PARD3B: variants seen among roughly 807,000 people sequenced by gnomAD.
PARD3B encodes the protein par-3 family cell polarity regulator beta, also known as partitioning defective 3 homolog B.
Under a neutral mutation model 130.2 loss-of-function variants are expected in PARD3B, and 103 were observed. That is an observed-to-expected ratio of 0.79 (90% CI 0.67 to 0.93). The LOEUF (loss-of-function observed/expected upper bound fraction) is 0.93. Among genes scored for constraint, PARD3B ranks in the 40% least tolerant of loss-of-function variants. The probability of loss-of-function intolerance (pLI) is 0.00; values close to 1 mark genes in which losing one functional copy is unlikely to be tolerated. For synonymous variants in PARD3B, 583 were observed against 553.2 expected (o/e 1.05, Z -0.76); for missense variants, 1,609 against 1,499.2 (o/e 1.07, Z -1.21).
chr2:205,300,625 G>T lies in PARD3B; in HGVS notation c.2281G>T (p.Asp761Tyr). 1 of 1,613,922 alleles carries T rather than the reference G, an allele frequency of 6.2e-7. No individual in the cohort carries two copies. Among genetic ancestry groups the T allele is most frequent in the Non-Finnish European group, 8.5e-7 (1 of 1,180,018 alleles). ...QTAVAEVRKN[D>Y]LPFHRPRPHM... ...TGCAGTGGCCGAGGTCAGGAAGAAT[G>T]ACCTTCCCTTTCACAGGCCCCGGCC... is the stretch of plus-strand genomic sequence containing the variant. The change falls in exon 17 of 23, where the codon GAC becomes TAC. Residue 761 changes from aspartate (D) to tyrosine (Y), a missense_variant. Physicochemically the swap from Asp to Tyr is radical, Grantham distance 160. Coordinates refer to ENST00000406610, the MANE Select transcript of PARD3B (RefSeq NM_001302769.2). This position sits in a 1 kb window ranked among gnomAD's most constrained non-coding sequence, Gnocchi z 4.1.
At position 205,380,186 on chromosome 2, in the gene PARD3B, AAT is replaced by A. The variant is rs1288739857; in HGVS notation, c.2631-20820_2631-20819del. On this transcript the variant is annotated intron_variant, in intron 18 of 22. Coordinates refer to ENST00000406610, the MANE Select transcript of PARD3B (RefSeq NM_001302769.2). ...AATATATATTATATAATATGTAAAG[AAT>A]ATATATTATATAATATGTAAAGAAT... 6.3e-4 allele frequency among the ~76,000 whole-genome samples: 71 copies of A among 112,766 alleles called. 3 individuals carry two copies. The East Asian group carries it at 0.013, about 21-fold the overall frequency. The allele number at this position is 112,766 out of a possible 152,430, so 74.0% of individuals were successfully genotyped here.
intron 14 of PARD3B, among the ~76,000 whole-genome samples, chr2:205,192,286 A>G (rs1239310842): frequency 6.6e-6 from 1 of 152,192 alleles, no homozygotes; most frequent in Non-Finnish European, 1.5e-5. Flanking sequence ...AACTGTTTGA[A>G]AAACCCAACA....
chr2:204,722,517 A>T (rs1009246188), intron 2 of PARD3B, among the ~76,000 whole-genome samples: 1 of 152,038 alleles, frequency 6.6e-6, no homozygotes. Flanking sequence ...CCATTGCTCA[A>T]TTTTTTTCCT....
chr2:204,549,348 G>T (rs1221366254), intron 1 of PARD3B, among the ~76,000 whole-genome samples: 1 of 152,190 alleles, frequency 6.6e-6, no homozygotes, highest in Non-Finnish European at 1.5e-5. Context: ...TGTTAGTGGA[G>T]AAGTGATTGT....
intron 3 of PARD3B, among the ~76,000 whole-genome samples, chr2:205,012,510 C>A (rs1449364868): frequency 6.6e-6 from 1 of 152,104 alleles, no homozygotes; most frequent in Non-Finnish European, 1.5e-5. Flanking sequence ...TGATTTCTGG[C>A]TGCTTTAGAA....
At chr2:204,966,752 G>A (rs189172074) in intron 3 of PARD3B, among the ~76,000 whole-genome samples, 220 of 152,140 alleles carry the variant, frequency 1.4e-3, no homozygotes, top group African/African-American at 5.0e-3. Flanking sequence ...AAAGTCAGCC[G>A]AGATTCCCCT....
chr2:205,237,361 C>T (rs895718818), intron 15 of PARD3B, among the ~76,000 whole-genome samples: 30 of 152,198 alleles, frequency 2.0e-4, no homozygotes, highest in African/African-American at 6.5e-4. Context: ...CTCGGCCTCC[C>T]AAAGTGTAGG....
At chr2:205,285,029 C>T (rs1465122906) in intron 16 of PARD3B, among the ~76,000 whole-genome samples, 4 of 139,878 alleles carry the variant, frequency 2.9e-5, no homozygotes, top group African/African-American at 1.1e-4. Flanking sequence ...TAGCAGTGAA[C>T]CAAGTGTTCC....
chr2:205,405,651 G>A lies in PARD3B; in HGVS notation c.2741+4528G>A, dbSNP rs1249150871. ...TTTTAACCTTGGCCTGCTGAGCATC[G>A]GCGTTAGTGATGGTGACCCGTTGAT... On this transcript the variant is annotated intron_variant, in intron 19 of 22. Coordinates refer to ENST00000406610, the MANE Select transcript of PARD3B (RefSeq NM_001302769.2). This position sits in a 1 kb window ranked among gnomAD's most constrained non-coding sequence, Gnocchi z 4.1. Among the ~76,000 whole-genome samples the A allele has an allele frequency of 6.6e-6, 1 of 152,082 alleles. No individual in the cohort carries two copies. Among genetic ancestry groups the A allele is most frequent in the Non-Finnish European group, 1.5e-5 (1 of 68,038 alleles).
At chr2:204,985,105 CTG>C (rs1693018900) in intron 3 of PARD3B, among the ~76,000 whole-genome samples, 1 of 152,008 alleles carries the variant, frequency 6.6e-6, no homozygotes, top group African/African-American at 2.4e-5. Flanking sequence ...CTAACTTAGT[CTG>C]TCTCTTTCTC....
chr2:205,300,484 A>G lies in PARD3B; in HGVS notation c.2186-46A>G, dbSNP rs760031835. 1 of 1,484,380 alleles carries G rather than the reference A, an allele frequency of 6.7e-7. No individual in the cohort carries two copies. Among genetic ancestry groups the G allele is most frequent in the African/African-American group, 1.4e-5 (1 of 72,254 alleles). The allele number at this position is 1,484,380 out of a possible 1,614,324, so 92.0% of individuals were successfully genotyped here. On this transcript the variant is annotated intron_variant, in intron 16 of 22. Transcript: ENST00000406610. This position sits in a 1 kb window ranked among gnomAD's most constrained non-coding sequence, Gnocchi z 4.1. ...TCTTAGAACAATAGCATTACACCAC[A>G]CTGCCCCATTAGAAGAGGGGTGACC...
At chr2:205,372,237 A>T (rs1284795621) in intron 18 of PARD3B, among the ~76,000 whole-genome samples, 1 of 152,222 alleles carries the variant, frequency 6.6e-6, no homozygotes, top group Non-Finnish European at 1.5e-5. Flanking sequence ...CTGCAAGACC[A>T]TTTGCCAAAG....
rs116126437 is a variant in PARD3B at position 205,010,820 on chromosome 2, A to G, written c.395-36761A>G. On this transcript the variant is annotated intron_variant, in intron 3 of 22. Coordinates refer to ENST00000406610, the MANE Select transcript of PARD3B (RefSeq NM_001302769.2). ...GAGTGGTGTGCTTTATCAAGTCTAT[A>G]TATTTTCAGTGTGGTTATATATGAT... is the stretch of plus-strand genomic sequence containing the variant. Among the ~76,000 whole-genome samples the G allele has an allele frequency of 3.9e-3, 586 of 152,148 alleles. 5 individuals are homozygous for G. The highest frequency in any genetic ancestry group is 0.013 in the African/African-American group (547 of 41,532).
intron 22 of PARD3B, among the ~76,000 whole-genome samples, chr2:205,579,035 TGAAC>T (rs2053866432): frequency 6.6e-6 from 1 of 152,218 alleles, no homozygotes; most frequent in African/African-American, 2.4e-5. Flanking sequence ...CGTAACATAA[TGAAC>T]AAATAATTAG....
intron 19 of PARD3B, among the ~76,000 whole-genome samples, chr2:205,403,493 G>C (rs2046320443): frequency 6.6e-6 from 1 of 151,718 alleles, no homozygotes; most frequent in Non-Finnish European, 1.5e-5. Flanking sequence ...GCATATCCAG[G>C]AGGCAATTAT....
At chr2:204,998,378 ATATGTGTGTG>A (rs1559341591) in intron 3 of PARD3B, among the ~76,000 whole-genome samples, 34 of 64,842 alleles carry the variant, frequency 5.2e-4, no homozygotes, top group Non-Finnish European at 6.2e-4. Context: ...GTGTGTGTAT[ATATGTGTGTG>A]TATATATGTA....
chr2:204,548,347 G>A (rs549708703), intron 1 of PARD3B, among the ~76,000 whole-genome samples: 2 of 152,072 alleles, frequency 1.3e-5, no homozygotes, highest in Non-Finnish European at 2.9e-5. Flanking sequence ...CATGTATTGT[G>A]CTTATTCTGT....
chr2:205,417,053 G>A (rs849261), intron 19 of PARD3B, among the ~76,000 whole-genome samples: 119,798 of 146,226 alleles, frequency 0.82, 52,397 homozygotes, highest in East Asian at 0.98. Flanking sequence ...TACATTAGGT[G>A]TATCTCCTAA....
chr2:205,500,328 A>C (rs1575174630), intron 21 of PARD3B, among the ~76,000 whole-genome samples: 1 of 152,146 alleles, frequency 6.6e-6, no homozygotes, highest in African/African-American at 2.4e-5. Flanking sequence ...GATCTTTGTC[A>C]CCATCCACTG....
Sources: allele counts gnomAD v4.1 joint callset (sites outside exome capture counted in the v4.1 genomes callset), GRCh38; gene constraint gnomAD v4.1.1; non-coding constraint Gnocchi (gnomAD v3.1); transcripts MANE v1.5; gene names NCBI Gene and HGNC (gene_info 2026-07-23, HGNC 2026-07-21).